The following SHISA9 variants were observed in gnomAD, a reference collection of about 807,000 sequenced individuals.
SHISA9 encodes the protein shisa family member 9.
In SHISA9, 13 loss-of-function variants were observed where a neutral mutation model predicts 38.0. The ratio of observed to expected loss-of-function variants is 0.34; its 90% CI spans 0.22 to 0.54. SHISA9 has a LOEUF of 0.54. SHISA9 is among the 20% of genes least tolerant of loss of function. The pLI, the probability that SHISA9 is intolerant of heterozygous loss-of-function variation, is 0.91. For synonymous variants in SHISA9, 275 were observed against 242.0 expected (o/e 1.14, Z -1.27); for missense variants, 538 against 575.8 (o/e 0.93, Z 0.67).
the SHISA9 span, among the ~76,000 whole-genome samples, chr16:13,497,626 A>C: frequency 1.3e-5 from 2 of 149,978 alleles, no homozygotes; most frequent in Admixed American, 6.7e-5. Context: ...TGGAGGTTGC[A>C]GTGAACCGAG....
chr16:13,060,431 C>G (rs953758595), intron 2 of SHISA9, among the ~76,000 whole-genome samples: 1 of 152,056 alleles, frequency 6.6e-6, no homozygotes, highest in African/African-American at 2.4e-5. Context: ...GTTTTCTTCT[C>G]TGAGAAATGG....
intron 2 of SHISA9, among the ~76,000 whole-genome samples, chr16:12,943,336 A>T (rs1351264457): frequency 8.0e-3 from 177 of 22,198 alleles, no homozygotes; most frequent in South Asian, 0.012. Context: ...TGTGTGAGAG[A>T]GAGAGAGAGA....
the SHISA9 span, among the ~76,000 whole-genome samples, chr16:13,335,337 A>T: frequency 1.3e-5 from 2 of 152,212 alleles, no homozygotes; most frequent in Non-Finnish European, 2.9e-5. Flanking sequence ...AGAGAGATAG[A>T]TGGAGTAGGT....
the SHISA9 span, among the ~76,000 whole-genome samples, chr16:13,279,258 T>C: frequency 1.1e-4 from 17 of 152,026 alleles, no homozygotes; most frequent in Non-Finnish European, 2.5e-4. Context: ...GAGAGAGCGC[T>C]TGACATAATT....
At chr16:12,959,126 T>G (rs116912165) in intron 2 of SHISA9, among the ~76,000 whole-genome samples, 1 of 152,210 alleles carries the variant, frequency 6.6e-6, no homozygotes, top group African/African-American at 2.4e-5. Context: ...TGATTTGTGT[T>G]TTAAGAGCCT....
chr16:13,266,694 G>A, the SHISA9 span, among the ~76,000 whole-genome samples: 4 of 152,308 alleles, frequency 2.6e-5, no homozygotes, highest in South Asian at 6.2e-4. Flanking sequence ...TAGCTCTGGG[G>A]ACCCTGCTGG....
intron 2 of SHISA9, among the ~76,000 whole-genome samples, chr16:13,020,479 T>C (rs1440347702): frequency 2.0e-5 from 3 of 152,154 alleles, no homozygotes; most frequent in East Asian, 1.9e-4. Flanking sequence ...TCTGTTCCTG[T>C]GTTAGTTTGC....
chr16:13,472,898 T>C, the SHISA9 span, among the ~76,000 whole-genome samples: 1 of 152,218 alleles, frequency 6.6e-6, no homozygotes, highest in African/African-American at 2.4e-5. Flanking sequence ...AGTTTTGATA[T>C]CTTGAATACA....
the SHISA9 span, among the ~76,000 whole-genome samples, chr16:13,475,982 G>A: frequency 6.6e-6 from 1 of 152,150 alleles, no homozygotes; most frequent in African/African-American, 2.4e-5. Context: ...AAATAAAGAT[G>A]AAGCTTTGCT....
chr16:13,073,635 C>A (rs914056481), intron 2 of SHISA9, among the ~76,000 whole-genome samples: 12 of 152,042 alleles, frequency 7.9e-5, no homozygotes, highest in African/African-American at 1.7e-4. Context: ...GTGGCCATGA[C>A]CTTATTTGGA....
intron 2 of SHISA9, among the ~76,000 whole-genome samples, chr16:12,938,951 A>C (rs909863678): frequency 1.3e-5 from 2 of 152,180 alleles, no homozygotes; most frequent in Admixed American, 6.5e-5. Context: ...AGTATGTGCC[A>C]TGTTCCAAGT....
chr16:13,004,962 A>AAAAG (rs1555453910), intron 2 of SHISA9, among the ~76,000 whole-genome samples: 1 of 127,636 alleles, frequency 7.8e-6, no homozygotes, highest in African/African-American at 3.1e-5. Context: ...AAAAAAAGAA[A>AAAAG]AAAAGAAAGA....
intron 1 of SHISA9, chr16:12,911,442 C>A (rs1596524515): frequency 1.1e-6 from 1 of 911,702 alleles, no homozygotes; most frequent in East Asian, 1.2e-4. Context: ...TAAGCATATG[C>A]ATGAACCCAC....
intron 2 of SHISA9, among the ~76,000 whole-genome samples, chr16:13,101,082 C>T (rs552701230): frequency 7.9e-5 from 12 of 152,208 alleles, no homozygotes; most frequent in East Asian, 1.9e-4. Flanking sequence ...CTTAGTATCA[C>T]GCCTTTCAGG....
intron 2 of SHISA9, among the ~76,000 whole-genome samples, chr16:13,073,904 C>T (rs1013347295): frequency 2.6e-5 from 4 of 151,488 alleles, no homozygotes; most frequent in African/African-American, 9.7e-5. Context: ...CTGTGGACTC[C>T]TTGGTTTCAG....
intron 2 of SHISA9, among the ~76,000 whole-genome samples, chr16:13,092,402 T>G (rs1315368302): frequency 6.6e-6 from 1 of 152,220 alleles, no homozygotes; most frequent in Admixed American, 6.5e-5. Flanking sequence ...TCTGCTGCCT[T>G]TTGTTCAGCT....
At chr16:12,928,174 ATAT>A (rs1300976123) in intron 2 of SHISA9, among the ~76,000 whole-genome samples, 6 of 50,204 alleles carry the variant, frequency 1.2e-4, no homozygotes, top group African/African-American at 1.2e-3. Context: ...TTCTTATCTT[ATAT>A]TTTTTTTTTG....
chr16:13,281,904 T>C, the SHISA9 span, among the ~76,000 whole-genome samples: 2 of 151,834 alleles, frequency 1.3e-5, no homozygotes, highest in Non-Finnish European at 3.0e-5. Context: ...AGCACCCTTA[T>C]GATGCTTTAT....
the SHISA9 span, among the ~76,000 whole-genome samples, chr16:13,308,225 T>TA: frequency 2.0e-5 from 3 of 151,586 alleles, no homozygotes; most frequent in South Asian, 2.1e-4. Context: ...TTTTTTTTTT[T>TA]ATGTTCATCA....
Sources: allele counts gnomAD v4.1 joint callset (sites outside exome capture counted in the v4.1 genomes callset), GRCh38; gene constraint gnomAD v4.1.1; transcripts MANE v1.5; gene names NCBI Gene and HGNC (gene_info 2026-07-23, HGNC 2026-07-21).